The following DLG2 variants were observed in gnomAD, a reference collection of about 807,000 sequenced individuals.
DLG2 encodes disks large homolog 2.
In DLG2, 45 loss-of-function variants were observed where a neutral mutation model predicts 132.5. The ratio of observed to expected loss-of-function variants is 0.34; its 90% CI spans 0.27 to 0.44. DLG2 has a LOEUF of 0.44. Among genes scored for constraint, DLG2 ranks in the 20% least tolerant of loss-of-function variants. DLG2 has a pLI of 1.00. For missense variants in DLG2, 1,045 were observed against 1,196.9 expected (o/e 0.87, Z 1.87); for synonymous variants, 424 against 419.6 (o/e 1.01, Z -0.13).
At chr11:83,659,972 T>C (rs1284736948) in intron 18 of DLG2, among the ~76,000 whole-genome samples, 1 of 152,184 alleles carries the variant, frequency 6.6e-6, no homozygotes, top group African/African-American at 2.4e-5. Context: ...GGAGGTTCTG[T>C]CCCAGACTGG....
intron 6 of DLG2, among the ~76,000 whole-genome samples, chr11:84,658,818 A>G (rs1174331389): frequency 6.6e-6 from 1 of 152,188 alleles, no homozygotes; most frequent in Non-Finnish European, 1.5e-5. Flanking sequence ...CTGCTGAACT[A>G]TAAGCCAAGT....
rs187673429 is a variant in DLG2, at chr11:84,747,042, G to T, written c.358-212311C>A. ...GTCCAGAACCAAACACTGGCAAGGC[G>T]GATAGCATTAACCTTAGACAAGTCA... On this transcript the variant is annotated intron_variant, in intron 6 of 27. Coordinates refer to ENST00000376104, the MANE Select transcript of DLG2 (RefSeq NM_001142699.3). Among the ~76,000 whole-genome samples the T allele has an allele frequency of 4.8e-4, 73 of 152,234 alleles. 1 individual carries two copies. The highest frequency in any genetic ancestry group is 1.6e-3 in the African/African-American group (68 of 41,544).
chr11:85,457,437 A>C (rs2092458960), intron 3 of DLG2, among the ~76,000 whole-genome samples: 1 of 152,168 alleles, frequency 6.6e-6, no homozygotes, highest in South Asian at 2.1e-4. Flanking sequence ...GCCCATTCAT[A>C]TTCAAGGCTA....
intron 6 of DLG2, among the ~76,000 whole-genome samples, chr11:84,909,458 G>C (rs1048421020): frequency 6.6e-6 from 1 of 152,144 alleles, no homozygotes; most frequent in Non-Finnish European, 1.5e-5. Flanking sequence ...TTCAGTTTTA[G>C]AGTCTGTTTA....
chr11:84,776,560 A>G (rs567038487), intron 6 of DLG2, among the ~76,000 whole-genome samples: 1 of 152,324 alleles, frequency 6.6e-6, no homozygotes, highest in African/African-American at 2.4e-5. Flanking sequence ...TTTATAATTC[A>G]TAGCCTCTCC....
chr11:84,080,063 A>C (rs1280440070), intron 10 of DLG2, among the ~76,000 whole-genome samples: 1 of 152,148 alleles, frequency 6.6e-6, no homozygotes, highest in African/African-American at 2.4e-5. Context: ...CTCTCAACTT[A>C]GGTTGATTAC....
At chr11:84,346,637 G>A (rs2098540444) in intron 7 of DLG2, among the ~76,000 whole-genome samples, 1 of 152,158 alleles carries the variant, frequency 6.6e-6, no homozygotes, top group South Asian at 2.1e-4. Flanking sequence ...CAGTGCAGTG[G>A]CACGATCTTG....
chr11:84,271,948 A>T (rs954877902), intron 7 of DLG2, among the ~76,000 whole-genome samples: 47 of 120,172 alleles, frequency 3.9e-4, no homozygotes, highest in Non-Finnish European at 6.1e-4. Context: ...TTTGATAATA[A>T]CAAAAAAAAA....
intron 9 of DLG2, among the ~76,000 whole-genome samples, chr11:84,129,225 G>A: frequency 6.6e-6 from 1 of 152,068 alleles, no homozygotes; most frequent in East Asian, 1.9e-4. Context: ...ACTGAACCAT[G>A]ACACATTTAC....
chr11:85,217,314 T>TCACACACACA (rs764728080), intron 4 of DLG2, among the ~76,000 whole-genome samples: 15 of 22,118 alleles, frequency 6.8e-4, no homozygotes, highest in South Asian at 2.9e-3. Flanking sequence ...ATTCTCTCTC[T>TCACACACACA]CTCTCACACA....
intron 3 of DLG2, among the ~76,000 whole-genome samples, chr11:85,369,589 C>T (rs548188252): frequency 1.3e-5 from 2 of 152,224 alleles, no homozygotes; most frequent in South Asian, 2.1e-4. Context: ...TGGCTATGGC[C>T]CATCTGGTGT....
chr11:83,475,557 C>T (rs1411903093), intron 22 of DLG2, among the ~76,000 whole-genome samples: 1 of 137,660 alleles, frequency 7.3e-6, no homozygotes, highest in African/African-American at 2.6e-5. Flanking sequence ...AAGCAGAATT[C>T]TCTGTGGGGC....
chr11:85,250,070 G>C lies in DLG2; in HGVS notation c.186+35150C>G, dbSNP rs1360605112. Among the ~76,000 whole-genome samples the C allele has an allele frequency of 3.3e-5, 5 of 152,194 alleles. No homozygotes were observed. The East Asian group carries it at 9.7e-4, about 29-fold the overall frequency. On this transcript the variant is annotated intron_variant, in intron 4 of 27. Coordinates refer to ENST00000376104, the MANE Select transcript of DLG2 (RefSeq NM_001142699.3). ...ATGGCTAAACAGAAATTTTTACAGG[G>C]GCCCAGCCCAAAGGAGGGAGTGATT... is the stretch of plus-strand genomic sequence containing the variant.
intron 6 of DLG2, among the ~76,000 whole-genome samples, chr11:85,050,265 C>T (rs1026859591): frequency 5.3e-5 from 8 of 151,918 alleles, no homozygotes; most frequent in African/African-American, 1.9e-4. Context: ...GGCTGCTGTC[C>T]TATGTCTTTG....
At chr11:85,450,752 T>A (rs1274251254) in intron 3 of DLG2, among the ~76,000 whole-genome samples, 1 of 152,172 alleles carries the variant, frequency 6.6e-6, no homozygotes, top group Admixed American at 6.5e-5. Context: ...TTTCTATGAA[T>A]CTCAATTTAT....
intron 22 of DLG2, among the ~76,000 whole-genome samples, chr11:83,476,584 A>T (rs1040171142): frequency 6.6e-6 from 1 of 152,138 alleles, no homozygotes; most frequent in African/African-American, 2.4e-5. Context: ...ACAGTCCTTA[A>T]AATCAGACTT....
intron 6 of DLG2, among the ~76,000 whole-genome samples, chr11:84,637,701 G>A (rs772375355): frequency 6.6e-5 from 10 of 152,194 alleles, no homozygotes; most frequent in Non-Finnish European, 1.3e-4. Context: ...TCTAGACATC[G>A]CAGCTCATTT....
intron 6 of DLG2, among the ~76,000 whole-genome samples, chr11:84,564,463 G>T (rs1018985940): frequency 1.3e-5 from 2 of 152,110 alleles, no homozygotes; most frequent in Non-Finnish European, 2.9e-5. Flanking sequence ...CCCTTATTGG[G>T]TGAGACTGCA....
chr11:84,444,978 T>G (rs2099029112), intron 7 of DLG2, among the ~76,000 whole-genome samples: 1 of 152,074 alleles, frequency 6.6e-6, no homozygotes, highest in African/African-American at 2.4e-5. Context: ...AATTTTTGTA[T>G]TTTTAGTAGA....
Sources: gnomAD v4.1 joint callset for allele counts (sites outside exome capture counted in the v4.1 genomes callset) on GRCh38, gnomAD v4.1.1 for gene constraint, MANE v1.5 for transcripts, NCBI Gene and HGNC (gene_info 2026-07-23, HGNC 2026-07-21) for gene names.